PCDH15: variants seen among roughly 807,000 people sequenced by gnomAD.
The protein encoded by PCDH15 is protocadherin related 15.
PCDH15 carries 129 observed loss-of-function variants against 178.5 expected under a neutral mutation model. That is an observed-to-expected ratio of 0.72 (90% CI 0.63 to 0.84). The LOEUF is 0.84. Among genes scored for constraint, PCDH15 ranks in the 40% least tolerant of loss-of-function variants. The probability of loss-of-function intolerance (pLI) is 0.00; values close to 1 mark genes in which losing one functional copy is unlikely to be tolerated. For synonymous variants in PCDH15, 800 were observed against 732.0 expected (o/e 1.09, Z -1.50); for missense variants, 2,230 against 2,099.9 (o/e 1.06, Z -1.21).
At chr10:55,587,267 T>C (rs1003992365) in intron 2 of PCDH15, among the ~76,000 whole-genome samples, 1 of 152,104 alleles carries the variant, frequency 6.6e-6, no homozygotes, top group African/African-American at 2.4e-5. Flanking sequence ...AGATGGAGTT[T>C]GTATGATTTG....
intron 13 of PCDH15, among the ~76,000 whole-genome samples, chr10:54,164,450 G>A (rs2046010093): frequency 6.6e-6 from 1 of 152,104 alleles, no homozygotes; most frequent in Non-Finnish European, 1.5e-5. Flanking sequence ...TTATGTAGAA[G>A]GATTTGCCAG....
intron 21 of PCDH15, among the ~76,000 whole-genome samples, chr10:53,994,343 G>C (rs529096095): frequency 6.6e-6 from 1 of 152,078 alleles, no homozygotes; most frequent in Admixed American, 6.5e-5. Context: ...TTTTTTAAAT[G>C]TATGTTAGTA....
Position 54,153,172 on chromosome 10 carries a change from A to T in PCDH15, c.1712T>A (p.Val571Glu). 1 of 1,613,716 alleles carries T rather than the reference A, an allele frequency of 6.2e-7. No homozygotes were observed. Among genetic ancestry groups the T allele is most frequent in the Non-Finnish European group, 8.5e-7 (1 of 1,179,848 alleles). The change falls in exon 14 of 38, where the codon GTG (valine) becomes GAG (glutamate). Residue 571 changes from valine (V) to glutamate (E), a missense_variant. Physicochemically the swap from Val to Glu is moderately radical, Grantham distance 121. Transcript: ENST00000644397. ...GTAAGTCCGCCCGACTATCATTTCC[A>T]CCCCTGGAGCGATGGTGATAAGCCC... ...TTGLITIAPG[V>E]EMIVGRTYAL...
chr10:54,511,288 G>A (rs557846827), intron 3 of PCDH15, among the ~76,000 whole-genome samples: 1 of 152,144 alleles, frequency 6.6e-6, no homozygotes, highest in South Asian at 2.1e-4. Flanking sequence ...ACAGGTTAAA[G>A]GTGGTAACAG....
At chr10:53,812,472 C>G (rs1429782573) in intron 35 of PCDH15, among the ~76,000 whole-genome samples, 1 of 152,088 alleles carries the variant, frequency 6.6e-6, no homozygotes, top group Non-Finnish European at 1.5e-5. Context: ...ATCGGCCTCC[C>G]AAAGTGCTGG....
chr10:53,873,613 C>G lies in PCDH15; in HGVS notation c.3502-6756G>C, dbSNP rs548125588. Among the ~76,000 whole-genome samples, 8 of 152,140 alleles carry G rather than the reference C, an allele frequency of 5.3e-5. 1 individual carries two copies. The South Asian group carries it at 1.7e-3, about 32-fold the overall frequency. ...AGACTAAATACCAGGGATAAAACTGCAGTTTAAAAATAAAACAACAAATGT... is the reference window on the plus strand; with the variant it reads ...AGACTAAATACCAGGGATAAAACTGGAGTTTAAAAATAAAACAACAAATGT... On this transcript the variant is annotated intron_variant, in intron 26 of 37. Transcript: ENST00000644397.
intron 2 of PCDH15, among the ~76,000 whole-genome samples, chr10:55,425,160 T>G (rs986165684): frequency 6.6e-6 from 1 of 151,866 alleles, no homozygotes; most frequent in Admixed American, 6.6e-5. Flanking sequence ...TATATGCTCT[T>G]AAATTATATA....
chr10:54,801,496 A>G (rs1361409597), upstream of PCDH15, among the ~76,000 whole-genome samples: 1 of 152,182 alleles, frequency 6.6e-6, no homozygotes. Flanking sequence ...AGCCTGTCTG[A>G]TGATTCTCTG....
At chr10:54,176,684 G>T (rs1337747723) in intron 13 of PCDH15, among the ~76,000 whole-genome samples, 1 of 152,060 alleles carries the variant, frequency 6.6e-6, no homozygotes, top group Non-Finnish European at 1.5e-5. Flanking sequence ...GATCTGTTCT[G>T]ACTCAGTTTC....
chr10:53,961,381 A>C (rs149335985), intron 22 of PCDH15, among the ~76,000 whole-genome samples: 50 of 152,184 alleles, frequency 3.3e-4, no homozygotes, highest in African/African-American at 1.2e-3. Context: ...ATATAGTAAA[A>C]TACTATGAAA....
At chr10:55,504,414 GA>G (rs1840719327) in intron 2 of PCDH15, among the ~76,000 whole-genome samples, 2 of 151,396 alleles carry the variant, frequency 1.3e-5, no homozygotes, top group South Asian at 4.2e-4. Flanking sequence ...TATTGTAAAT[GA>G]GGTCTCAAAG....
chr10:54,111,757 T>C (rs2095027215), intron 15 of PCDH15, among the ~76,000 whole-genome samples: 1 of 152,084 alleles, frequency 6.6e-6, no homozygotes, highest in Non-Finnish European at 1.5e-5. Context: ...TTGAAGTGTC[T>C]CTTCCCCAGA....
At chr10:54,314,260 T>C (rs2061094757) in intron 8 of PCDH15, among the ~76,000 whole-genome samples, 1 of 152,084 alleles carries the variant, frequency 6.6e-6, no homozygotes, top group South Asian at 2.1e-4. Flanking sequence ...TTCACTGTTG[T>C]CTTTCCGAAT....
At chr10:54,588,129 A>C (rs1008747424) in intron 2 of PCDH15, among the ~76,000 whole-genome samples, 7 of 152,136 alleles carry the variant, frequency 4.6e-5, no homozygotes, top group Non-Finnish European at 7.4e-5. Flanking sequence ...GTGGGTATTA[A>C]CTTATTATCT....
intron 2 of PCDH15, among the ~76,000 whole-genome samples, chr10:55,100,496 T>G (rs111377316): frequency 1.8e-4 from 27 of 152,226 alleles, no homozygotes; most frequent in African/African-American, 5.8e-4. Context: ...AGTTTATGGT[T>G]GTGCAGACTG....
chr10:54,927,100 A>T (rs1837649872), intron 2 of PCDH15, among the ~76,000 whole-genome samples: 1 of 151,986 alleles, frequency 6.6e-6, no homozygotes, highest in African/African-American at 2.4e-5. Flanking sequence ...CCCTCTTAAC[A>T]CTGCCTTAGC....
chr10:54,595,291 T>C (rs899893087), intron 2 of PCDH15, among the ~76,000 whole-genome samples: 1 of 152,200 alleles, frequency 6.6e-6, no homozygotes, highest in Non-Finnish European at 1.5e-5. Context: ...AGCTGGTGTA[T>C]GATACCAGTC....
intron 11 of PCDH15, among the ~76,000 whole-genome samples, chr10:54,193,993 A>C (rs2049302111): frequency 6.6e-6 from 1 of 151,782 alleles, no homozygotes. Context: ...TGTACTGAGA[A>C]CTCAATGACA....
chr10:55,590,331 AG>A, intron 2 of PCDH15, among the ~76,000 whole-genome samples: 1 of 93,442 alleles, frequency 1.1e-5, no homozygotes, highest in Non-Finnish European at 2.1e-5. Flanking sequence ...GGGAGGGGGG[AG>A]GGATAGCATT....
Sources: allele counts gnomAD v4.1 joint callset (sites outside exome capture counted in the v4.1 genomes callset), GRCh38; gene constraint gnomAD v4.1.1; transcripts MANE v1.5; gene names NCBI Gene and HGNC (gene_info 2026-07-23, HGNC 2026-07-21).